GAD2: variants seen among roughly 807,000 people sequenced by gnomAD.
GAD2 encodes the protein 65 kDa glutamic acid decarboxylase.
In GAD2, 22 loss-of-function variants were observed where a neutral mutation model predicts 80.1. The observed-to-expected ratio is 0.27, with a 90% CI of 0.20 to 0.39. GAD2 has a LOEUF of 0.39. Among genes scored for constraint, GAD2 ranks in the 10% least tolerant of loss-of-function variants. GAD2 has a pLI of 1.00. For missense variants in GAD2, 624 were observed against 738.4 expected, an observed-to-expected ratio of 0.85 and a Z score of 1.80; for synonymous variants, 274 against 256.9, an observed-to-expected ratio of 1.07 and a Z score of -0.64.
At chr10:26,291,789 G>A (rs1834216514) in intron 13 of GAD2, among the ~76,000 whole-genome samples, 1 of 152,202 alleles carries the variant, frequency 6.6e-6, no homozygotes, top group Non-Finnish European at 1.5e-5. Context: ...CAAGACTGTT[G>A]TGTTGGTTTT....
intron 6 of GAD2, among the ~76,000 whole-genome samples, chr10:26,227,340 G>C (rs1177605305): frequency 6.6e-6 from 1 of 152,228 alleles, no homozygotes; most frequent in East Asian, 1.9e-4. Context: ...TCATGCCTCT[G>C]TTACACAAAA....
intron 7 of GAD2, among the ~76,000 whole-genome samples, chr10:26,234,395 G>A (rs1351419218): frequency 6.6e-6 from 1 of 152,052 alleles, no homozygotes; most frequent in African/African-American, 2.4e-5. Context: ...AGCCCCAGAG[G>A]TGGGGGATAC....
chr10:26,271,755 A>G (rs1238572896), intron 10 of GAD2, among the ~76,000 whole-genome samples: 2 of 151,760 alleles, frequency 1.3e-5, no homozygotes, highest in African/African-American at 4.9e-5. Flanking sequence ...AGACCAAATT[A>G]ATGCTCTTTT....
intron 6 of GAD2, among the ~76,000 whole-genome samples, chr10:26,225,941 G>A (rs996549908): frequency 4.6e-5 from 7 of 152,150 alleles, no homozygotes; most frequent in Non-Finnish European, 1.0e-4. Context: ...ATTGCCTGAT[G>A]CTTTGAAAAC....
Position 26,218,568 on chromosome 10 carries a change from C to CACACACACACACACAT in GAD2, c.287-460_287-459insTACACACACACACACA, listed in dbSNP as rs1275852647. 4.6e-5 allele frequency among the ~76,000 whole-genome samples: 7 copies of CACACACACACACACAT among 151,604 alleles called. No homozygotes were observed. The East Asian group carries it at 1.4e-3, about 29-fold the overall frequency. ...TCTCTCTCTCACACACACACACACACACACACACACACACACACACTGACT... is the reference window on the plus strand; with the variant it reads ...TCTCTCTCTCACACACACACACACACACACACACACACACATACACACACACACACACACACTGACT... On this transcript the variant is annotated intron_variant, in intron 3 of 15. Transcript: ENST00000376261.
intron 8 of GAD2, among the ~76,000 whole-genome samples, chr10:26,267,684 T>C (rs1441730113): frequency 1.3e-5 from 2 of 152,204 alleles, no homozygotes; most frequent in African/African-American, 4.8e-5. Flanking sequence ...GGGAAACAGC[T>C]TCACTTAAAT....
intron 7 of GAD2, among the ~76,000 whole-genome samples, chr10:26,236,309 T>C (rs1324962751): frequency 1.3e-5 from 2 of 150,680 alleles, no homozygotes; most frequent in African/African-American, 4.9e-5. Flanking sequence ...TTTCTTTTTT[T>C]TTTTTTTTGA....
chr10:26,218,595 T>C (rs180827600), intron 3 of GAD2, among the ~76,000 whole-genome samples: 6 of 97,244 alleles, frequency 6.2e-5, no homozygotes, highest in African/African-American at 1.5e-4. Context: ...ACACTGACTT[T>C]AGAAACAGCG....
At chr10:26,271,904 C>T (rs996523458) in intron 10 of GAD2, among the ~76,000 whole-genome samples, 4 of 152,070 alleles carry the variant, frequency 2.6e-5, no homozygotes, top group East Asian at 1.9e-4. Context: ...GGATTACAGA[C>T]GTGCGCACCC....
rs569352199 is a variant in GAD2, at chr10:26,232,271, C to T, written c.840+2494C>T. On this transcript the variant is annotated intron_variant, in intron 7 of 15. Transcript: ENST00000376261. ...TCTTTTTCTTTTGGCTTCCAAGCTG[C>T]GTCCACAAGTTAAAATGAGTTTGGT... Among the ~76,000 whole-genome samples, 41 of 152,186 alleles carry T rather than the reference C, an allele frequency of 2.7e-4. No homozygotes were observed. In the South Asian group the frequency reaches 7.9e-3, roughly 29 times the overall value.
chr10:26,235,039 A>AT (rs1459209553), intron 7 of GAD2, among the ~76,000 whole-genome samples: 1 of 152,008 alleles, frequency 6.6e-6, no homozygotes, highest in Admixed American at 6.6e-5. Flanking sequence ...CACCTGGCTA[A>AT]TTTTTTGTAT....
intron 7 of GAD2, among the ~76,000 whole-genome samples, chr10:26,238,987 TG>T (rs1844708856): frequency 7.0e-6 from 1 of 142,826 alleles, no homozygotes; most frequent in Non-Finnish European, 1.5e-5. Flanking sequence ...GATGGTGGGG[TG>T]GGGGGTGGTC....
intron 8 of GAD2, among the ~76,000 whole-genome samples, chr10:26,266,627 C>T (rs1845076852): frequency 6.6e-6 from 1 of 152,174 alleles, no homozygotes; most frequent in East Asian, 1.9e-4. Flanking sequence ...AAAACTAGAG[C>T]CACCCCCATT....
chr10:26,220,488 C>T (rs1306576248), intron 4 of GAD2, among the ~76,000 whole-genome samples: 2 of 152,098 alleles, frequency 1.3e-5, no homozygotes, highest in African/African-American at 2.4e-5. Context: ...AGCCTTGGGA[C>T]ATAGATTTCT....
In GAD2 at chr10:26,301,121, A is replaced by G. The variant is rs1335585011; in HGVS notation, c.*160A>G. ...AAACAAAAAAGACATTGCTCCTTTT[A>G]AAAGTCCTTTCTTAAGTTTAGAATA... On this transcript the variant is annotated 3_prime_UTR_variant, in exon 16 of 16. Coordinates refer to ENST00000376261, the MANE Select transcript of GAD2 (RefSeq NM_001134366.2). The G allele has an allele frequency of 1.6e-6, 1 of 623,998 alleles. No homozygotes were observed. The highest frequency in any genetic ancestry group is 2.7e-6 in the Non-Finnish European group (1 of 363,818). 38.7% of individuals were successfully genotyped at this position (623,998 alleles called of 1,614,324 possible). A position where few individuals can be genotyped will look rare whatever the true frequency, so the allele number is the denominator to read the frequency against.
chr10:26,278,766 C>T (rs1845239805), intron 11 of GAD2, among the ~76,000 whole-genome samples: 2 of 152,032 alleles, frequency 1.3e-5, no homozygotes, highest in Admixed American at 6.6e-5. Context: ...ATGTATCTGA[C>T]AACCAGTGTC....
intron 7 of GAD2, among the ~76,000 whole-genome samples, chr10:26,239,196 GA>G (rs1844710933): frequency 1.3e-5 from 2 of 152,358 alleles, no homozygotes; most frequent in Admixed American, 6.5e-5. Context: ...CTGGAAGGTA[GA>G]ATGCTTGATA....
chr10:26,221,771 C>T (rs945366521), intron 4 of GAD2, among the ~76,000 whole-genome samples: 4 of 152,222 alleles, frequency 2.6e-5, no homozygotes, highest in South Asian at 2.1e-4. Flanking sequence ...ATCTCAAGCT[C>T]GCCACCTTCC....
Position 26,270,760 on chromosome 10 carries a change from A to G in GAD2, c.1092+4A>G, listed in dbSNP as rs773446632. 6.4e-7 allele frequency: 1 copy of G among 1,565,530 alleles called. No individual in the cohort carries two copies. Among genetic ancestry groups the G allele is most frequent in the East Asian group, 2.2e-5 (1 of 44,678 alleles). On this transcript the variant is annotated splice_donor_region_variant and intron_variant, in intron 10 of 15. Coordinates refer to ENST00000376261, the MANE Select transcript of GAD2 (RefSeq NM_001134366.2). ...TAAGATCTGGATGCATGTGGATGTA[A>G]GTATCCCTTAGGGACTGGCCACTAA...
Sources: gnomAD v4.1 joint callset for allele counts (sites outside exome capture counted in the v4.1 genomes callset) on GRCh38, gnomAD v4.1.1 for gene constraint, MANE v1.5 for transcripts, NCBI Gene and HGNC (gene_info 2026-07-23, HGNC 2026-07-21) for gene names.